The following FRY variants were observed in gnomAD, a reference collection of about 807,000 sequenced individuals.
The protein encoded by FRY is protein furry homolog.
Under a neutral mutation model 348.4 loss-of-function variants are expected in FRY, and 128 were observed. The observed-to-expected ratio is 0.37, with a 90% CI of 0.32 to 0.43. FRY has a LOEUF of 0.43. Among genes scored for constraint, FRY ranks in the 20% least tolerant of loss-of-function variants. The probability of loss-of-function intolerance (pLI) is 1.00; values close to 1 mark genes in which losing one functional copy is unlikely to be tolerated. For synonymous variants in FRY, 1,370 were observed against 1,374.7 expected, an observed-to-expected ratio of 1.00 and a Z score of 0.08; for missense variants, 2,736 against 3,695.2, an observed-to-expected ratio of 0.74 and a Z score of 6.73.
At chr13:32,186,186 A>G (rs1883016739) in intron 26 of FRY, 74 bp from the exon 27 acceptor site, 2 of 1,138,574 alleles carry the variant, frequency 1.8e-6, no homozygotes, top group Admixed American at 1.8e-5. Context: ...TTTCCTCAAA[A>G]TGTAAGAAAT....
chr13:32,130,075 C>T (rs113128410), intron 7 of FRY, among the ~76,000 whole-genome samples: 6,442 of 134,198 alleles, frequency 0.048, 147 homozygotes, highest in Middle Eastern at 0.085. Context: ...TTTTTTTTTC[C>T]GGTGAGACAG....
In FRY at chr13:32,135,291, C is replaced by A. The variant is rs977072614; in HGVS notation, c.1077+108C>A. ...AAGGACTCCACAGATAGGAAAAGTA[C>A]CTAAAGCTCCCTCAAAAAGAGGCAG... On this transcript the variant is annotated intron_variant, in intron 10 of 60. Transcript: ENST00000542859. 1.4e-5 allele frequency: 10 copies of A among 719,956 alleles called. No homozygotes were observed. The African/African-American group carries it at 1.6e-4, about 11-fold the overall frequency. 44.6% of individuals were successfully genotyped at this position (719,956 alleles called of 1,614,324 possible). A position where few individuals can be genotyped will look rare whatever the true frequency, so the allele number is the denominator to read the frequency against.
intron 50 of FRY, 51 bp downstream of exon 50, chr13:32,252,003 A>G (rs1438281590): frequency 1.6e-6 from 2 of 1,228,422 alleles, no homozygotes; most frequent in Non-Finnish European, 2.4e-6. Flanking sequence ...CTCCTTTTTC[A>G]TTGGTCTGTT....
intron 1 of FRY, among the ~76,000 whole-genome samples, chr13:32,060,416 T>G (rs1873875935): frequency 6.6e-6 from 1 of 152,244 alleles, no homozygotes; most frequent in African/African-American, 2.4e-5. Flanking sequence ...CAATCACTTT[T>G]CTTTGCAAGT....
In FRY at chr13:32,078,990, C is replaced by G. The variant is rs750431835; in HGVS notation, c.227C>G (p.Thr76Ser). 6.2e-7 allele frequency: 1 copy of G among 1,613,994 alleles called. No homozygotes were observed. The highest frequency in any genetic ancestry group is 1.1e-5 in the South Asian group (1 of 91,076). ...VLKSLFVNFT[T>S]QAERKIRIIM... ...AAAAGTTTATTTGTCAACTTCACCA[C>G]TCAGGCTGAACGCAAGATTCGTATC... The change falls in exon 2 of 61, where the codon ACT (threonine) becomes AGT (serine). Residue 76 changes from threonine (T) to serine (S), a missense_variant. Thr to Ser is a moderately conservative substitution (Grantham distance 58). Transcript: ENST00000542859.
chr13:32,033,876 T>A (rs1872370372), intron 1 of FRY, among the ~76,000 whole-genome samples: 1 of 152,218 alleles, frequency 6.6e-6, no homozygotes, highest in South Asian at 2.1e-4. Flanking sequence ...ACTAACCTGC[T>A]TACAATCTAG....
intron 36 of FRY, among the ~76,000 whole-genome samples, chr13:32,220,521 C>T (rs370610502): frequency 1.3e-5 from 2 of 152,180 alleles, no homozygotes; most frequent in African/African-American, 4.8e-5. Context: ...TACCATAGGC[C>T]GTTACTTCTA....
At position 32,244,199 on chromosome 13, in the gene FRY, C is replaced by G; in HGVS notation, c.6828+17C>G. On this transcript the variant is annotated intron_variant, in intron 47 of 60. Coordinates refer to ENST00000542859, the MANE Select transcript of FRY (RefSeq NM_023037.3). The stretch of plus-strand genomic sequence containing the variant: ...TATGTGCAAGTGAGTACTTGGATAA[C>G]TTCACTAAGCAACCAGTCGTTCTAA... The G allele has an allele frequency of 6.2e-7, 1 of 1,608,966 alleles. No individual in the cohort carries two copies. The highest frequency in any genetic ancestry group is 8.5e-7 in the Non-Finnish European group (1 of 1,175,634).
chr13:32,147,857 C>T lies in FRY; in HGVS notation c.1302C>T (p.Ile434=). The T allele has an allele frequency of 6.2e-7, 1 of 1,605,170 alleles. No individual in the cohort carries two copies. Residue 434 remains isoleucine, a synonymous_variant, in exon 13 of 61, where the codon ATC becomes ATT. Transcript: ENST00000542859. ...CTTTCAGCCGACTTATAACCATCAT[C>T]ACAACACTTTTCCCCAAAGGGTCCC... ...TATQSRLITI[I]TTLFPKGSRG... is the part of the protein sequence containing the mutation.
intron 35 of FRY, among the ~76,000 whole-genome samples, chr13:32,213,674 A>G (rs1276587714): frequency 6.6e-6 from 1 of 152,248 alleles, no homozygotes; most frequent in African/African-American, 2.4e-5. Context: ...CTTTCTCACT[A>G]GACTATAACA....
At chr13:32,173,342 G>T (rs1882199970) in intron 18 of FRY, 25 bp from the exon 19 acceptor site, 2 of 1,587,592 alleles carry the variant, frequency 1.3e-6, no homozygotes, top group Non-Finnish European at 1.7e-6. Context: ...GCTGAATACA[G>T]AATGTTGTTC....
intron 35 of FRY, among the ~76,000 whole-genome samples, chr13:32,213,572 A>G (rs1884808309): frequency 6.6e-6 from 1 of 152,242 alleles, no homozygotes; most frequent in African/African-American, 2.4e-5. Flanking sequence ...TTAGCATGTT[A>G]CTTTTTAAAA....
At chr13:32,260,555 C>T (rs904933735) in intron 51 of FRY, among the ~76,000 whole-genome samples, 8 of 152,140 alleles carry the variant, frequency 5.3e-5, no homozygotes, top group Non-Finnish European at 1.0e-4. Context: ...AGCTAGTTCT[C>T]GGTAATTCAA....
intron 36 of FRY, among the ~76,000 whole-genome samples, chr13:32,220,908 G>A (rs1170551090): frequency 2.0e-5 from 3 of 152,300 alleles, no homozygotes; most frequent in Admixed American, 6.5e-5. Context: ...TAAGTTACTT[G>A]TAGGTAATTT....
chr13:32,197,602 G>A (rs944250110), intron 29 of FRY, among the ~76,000 whole-genome samples: 1 of 152,172 alleles, frequency 6.6e-6, no homozygotes, highest in African/African-American at 2.4e-5. Flanking sequence ...CTGATGATAG[G>A]GTTAGAGTAA....
At chr13:32,154,248 G>A (rs187831212) in intron 14 of FRY, among the ~76,000 whole-genome samples, 78 of 152,096 alleles carry the variant, frequency 5.1e-4, no homozygotes, top group African/African-American at 1.7e-3. Flanking sequence ...TTCGATACAC[G>A]GATTATTTTT....
intron 55 of FRY, among the ~76,000 whole-genome samples, chr13:32,268,509 T>A (rs1298395107): frequency 0.084 from 1,930 of 22,910 alleles, 33 homozygotes; most frequent in Non-Finnish European, 0.15. Context: ...AAAAAAAATA[T>A]ATATATATAT....
chr13:32,244,328 G>A (rs1886664155), intron 47 of FRY, 146 bp downstream of exon 47: 5 of 754,654 alleles, frequency 6.6e-6, no homozygotes, highest in African/African-American at 1.7e-5. Context: ...GTTAAGAGTG[G>A]GAGTTGGCCA....
Position 32,073,855 on chromosome 13 carries a change from C to T in FRY, c.71-4979C>T, listed in dbSNP as rs111547529. On this transcript the variant is annotated intron_variant, in intron 1 of 60. Transcript: ENST00000542859. The stretch of plus-strand genomic sequence containing the variant: ...TCTAGGGCTCTTATATGAGGACGCT[C>T]ATTTCATTTCAGTGTTATAATAAAA... Among the ~76,000 whole-genome samples the T allele has an allele frequency of 3.9e-3, 589 of 152,266 alleles. 3 individuals carry two copies. Among genetic ancestry groups the T allele is most frequent in the African/African-American group, 0.014 (566 of 41,552 alleles).
Sources: gnomAD v4.1 joint callset for allele counts (sites outside exome capture counted in the v4.1 genomes callset) on GRCh38, gnomAD v4.1.1 for gene constraint, MANE v1.5 for transcripts, NCBI Gene and HGNC (gene_info 2026-07-23, HGNC 2026-07-21) for gene names.